LY96: variants seen among roughly 807,000 people sequenced by gnomAD.
The protein encoded by LY96 is lymphocyte antigen 96.
A neutral mutation model predicts 18.9 loss-of-function variants in LY96; 18 were observed. That is an observed-to-expected ratio of 0.95 (90% CI 0.66 to 1.41). The LOEUF (loss-of-function observed/expected upper bound fraction) is 1.41, where lower values mean the gene tolerates loss of function less well. Among genes scored for constraint, LY96 ranks in the 40% most tolerant of loss-of-function variants. The pLI, the probability that LY96 is intolerant of heterozygous loss-of-function variation, is 0.00. For synonymous variants in LY96, 66 were observed against 62.6 expected, an observed-to-expected ratio of 1.06 and a Z score of -0.26; for missense variants, 175 against 182.4, an observed-to-expected ratio of 0.96 and a Z score of 0.23.
At chr8:74,064,465 T>C in the LY96 span, among the ~76,000 whole-genome samples, 1 of 152,208 alleles carries the variant, frequency 6.6e-6, no homozygotes, top group Non-Finnish European at 1.5e-5. Context: ...GAGCTGATTG[T>C]TTATTTTTAA....
the LY96 span, among the ~76,000 whole-genome samples, chr8:74,096,817 C>T: frequency 6.6e-6 from 1 of 152,092 alleles, no homozygotes; most frequent in Non-Finnish European, 1.5e-5. Flanking sequence ...TGGCTTGCTC[C>T]CAGGGTGATG....
At chr8:74,086,275 C>T in the LY96 span, among the ~76,000 whole-genome samples, 8 of 152,212 alleles carry the variant, frequency 5.3e-5, no homozygotes, top group African/African-American at 1.9e-4. Flanking sequence ...TTAATACCAT[C>T]TTCTGTCTTT....
At chr8:74,011,308 T>C (rs1816525900) in intron 3 of LY96, among the ~76,000 whole-genome samples, 1 of 152,220 alleles carries the variant, frequency 6.6e-6, no homozygotes, top group Admixed American at 6.5e-5. Context: ...AAGATTCTTC[T>C]GGACATTGGT....
chr8:74,072,997 T>G, the LY96 span, among the ~76,000 whole-genome samples: 1 of 152,164 alleles, frequency 6.6e-6, no homozygotes, highest in African/African-American at 2.4e-5. Context: ...TATCCCTGTG[T>G]CTGTGTGAGC....
the LY96 span, among the ~76,000 whole-genome samples, chr8:74,052,874 T>A: frequency 6.6e-6 from 1 of 152,302 alleles, no homozygotes; most frequent in East Asian, 1.9e-4. Context: ...CACGCAGAGT[T>A]TACATTTACC....
rs1259610572 is a variant in LY96, at chr8:73,994,879, C to T, written c.112+3325C>T. On this transcript the variant is annotated intron_variant, in intron 1 of 4. Coordinates refer to ENST00000284818, the MANE Select transcript of LY96 (RefSeq NM_015364.5). ...ACCTATTTTTTCACAGTTCTGGAGG[C>T]TAGAAGTCCAAGATCAAGGTGTCTG... Among the ~76,000 whole-genome samples, 5 of 152,134 alleles carry T rather than the reference C, an allele frequency of 3.3e-5. No homozygotes were observed. The East Asian group carries it at 5.8e-4, about 18-fold the overall frequency.
At chr8:74,090,943 G>A in the LY96 span, among the ~76,000 whole-genome samples, 2 of 152,164 alleles carry the variant, frequency 1.3e-5, no homozygotes, top group Non-Finnish European at 2.9e-5. Flanking sequence ...TGCCCTCAAT[G>A]CCTGATGACA....
chr8:74,026,103 A>G (rs1431746606), intron 3 of LY96, among the ~76,000 whole-genome samples: 1 of 152,154 alleles, frequency 6.6e-6, no homozygotes, highest in African/African-American at 2.4e-5. Context: ...TGCAGACATT[A>G]ATTATTTACT....
chr8:74,058,407 CT>C, the LY96 span, among the ~76,000 whole-genome samples: 4 of 152,074 alleles, frequency 2.6e-5, no homozygotes, highest in Non-Finnish European at 5.9e-5. Flanking sequence ...ACTGCAAAAC[CT>C]TTATGGAGAA....
the LY96 span, among the ~76,000 whole-genome samples, chr8:74,095,334 C>T: frequency 1.3e-5 from 2 of 152,186 alleles, no homozygotes; most frequent in African/African-American, 4.8e-5. Flanking sequence ...CCTACACGCA[C>T]AGAAGCATTT....
the LY96 span, among the ~76,000 whole-genome samples, chr8:74,075,373 C>T: frequency 2.0e-3 from 305 of 152,324 alleles, 3 homozygotes; most frequent in Non-Finnish European, 3.0e-3. Context: ...TGGGCTGAAG[C>T]GATCTTCCTG....
the LY96 span, among the ~76,000 whole-genome samples, chr8:74,035,910 T>C: frequency 6.6e-6 from 1 of 152,210 alleles, no homozygotes. Context: ...GTGTACATCT[T>C]ACATGTATTG....
In LY96 at chr8:74,029,019, G is replaced by A. The variant is rs868214290; in HGVS notation, c.448G>A (p.Glu150Lys). The A allele has an allele frequency of 1.2e-6, 2 of 1,611,774 alleles. No individual in the cohort carries two copies. The highest frequency in any genetic ancestry group is 1.7e-6 in the Non-Finnish European group (2 of 1,178,622). The change falls in exon 5 of 5, where the codon GAG becomes AAG. Residue 150 changes from glutamate (E) to lysine (K), a missense_variant. Physicochemically the swap from Glu to Lys is moderately conservative, Grantham distance 56. Transcript: ENST00000284818. ...GSPEEMLFCL[E>K]FVILHQPNSN Reference sequence around the variant, plus strand: ...CCCAGAAGAAATGCTCTTTTGCTTGGAGTTTGTCATCCTACACCAACCTAA... The same window carrying A: ...CCCAGAAGAAATGCTCTTTTGCTTGAAGTTTGTCATCCTACACCAACCTAA...
intron 1 of LY96, among the ~76,000 whole-genome samples, chr8:73,994,496 G>T (rs562618555): frequency 6.6e-6 from 1 of 151,910 alleles, no homozygotes. Context: ...CTAAGTGTAT[G>T]TTTTTTTAAA....
At chr8:74,046,956 C>T in the LY96 span, among the ~76,000 whole-genome samples, 1 of 145,636 alleles carries the variant, frequency 6.9e-6, no homozygotes, top group South Asian at 2.1e-4. Flanking sequence ...GGCTGGAGTG[C>T]AGATGCATGA....
chr8:74,074,590 G>T, the LY96 span, among the ~76,000 whole-genome samples: 5 of 152,052 alleles, frequency 3.3e-5, no homozygotes, highest in Non-Finnish European at 7.4e-5. Context: ...TTAATTACAT[G>T]ATGTTTTTCT....
chr8:74,083,360 G>A, the LY96 span, among the ~76,000 whole-genome samples: 1 of 151,810 alleles, frequency 6.6e-6, no homozygotes, highest in African/African-American at 2.4e-5. Flanking sequence ...GATTACAGGC[G>A]CCCGCCACCA....
the LY96 span, among the ~76,000 whole-genome samples, chr8:74,074,435 C>T: frequency 6.6e-6 from 1 of 151,688 alleles, no homozygotes; most frequent in African/African-American, 2.4e-5. Flanking sequence ...TTTCAAAAAA[C>T]CAGCTTTTAA....
chr8:73,998,177 A>G (rs959307579), intron 1 of LY96, among the ~76,000 whole-genome samples: 1 of 152,218 alleles, frequency 6.6e-6, no homozygotes, highest in Non-Finnish European at 1.5e-5. Flanking sequence ...CTAAGGAACT[A>G]GAAGCTCTGG....
Sources: allele counts gnomAD v4.1 joint callset (sites outside exome capture counted in the v4.1 genomes callset), GRCh38; gene constraint gnomAD v4.1.1; transcripts MANE v1.5; gene names NCBI Gene and HGNC (gene_info 2026-07-23, HGNC 2026-07-21).